Variants in FRY observed in about 807,000 individuals in gnomAD.
FRY encodes protein furry homolog.
FRY carries 128 observed loss-of-function variants against 348.4 expected under a neutral mutation model. The ratio of observed to expected loss-of-function variants is 0.37; its 90% CI spans 0.32 to 0.43. FRY has a LOEUF of 0.43. Among genes scored for constraint, FRY ranks in the 20% least tolerant of loss-of-function variants. FRY has a pLI of 1.00. For synonymous variants in FRY, 1,370 were observed against 1,374.7 expected (o/e 1.00, Z 0.08); for missense variants, 2,736 against 3,695.2 (o/e 0.74, Z 6.73).
chr13:32,186,207 G>T, intron 26 of FRY, 53 bp from the exon 27 acceptor site: 1 of 1,237,092 alleles, frequency 8.1e-7, no homozygotes, highest in Non-Finnish European at 1.2e-6. Flanking sequence ...ATATATAATA[G>T]CGATATACAG....
intron 3 of FRY, among the ~76,000 whole-genome samples, chr13:32,103,737 G>A (rs1877330391): frequency 6.6e-6 from 1 of 152,290 alleles, no homozygotes; most frequent in African/African-American, 2.4e-5. Flanking sequence ...GGCCGAGGCA[G>A]GTGGATCTCC....
At chr13:32,200,792 C>A (rs1028588639) in intron 29 of FRY, among the ~76,000 whole-genome samples, 2 of 152,102 alleles carry the variant, frequency 1.3e-5, no homozygotes, top group African/African-American at 2.4e-5. Flanking sequence ...GTGTTCCTCT[C>A]CCCCCATCCC....
intron 3 of FRY, among the ~76,000 whole-genome samples, chr13:32,102,878 A>G (rs569166131): frequency 1.3e-5 from 2 of 152,346 alleles, no homozygotes; most frequent in East Asian, 3.9e-4. Flanking sequence ...CAGACACAAA[A>G]TACTGCTAGA....
intron 20 of FRY, among the ~76,000 whole-genome samples, chr13:32,177,387 C>T (rs1882429021): frequency 6.6e-6 from 1 of 152,010 alleles, no homozygotes; most frequent in Non-Finnish European, 1.5e-5. Context: ...TTCAGGAATT[C>T]GAGACCAGCC....
At chr13:32,036,441 A>G (rs1454630156) in intron 1 of FRY, among the ~76,000 whole-genome samples, 1 of 152,092 alleles carries the variant, frequency 6.6e-6, no homozygotes, top group African/African-American at 2.4e-5. Context: ...GAAAGGATCT[A>G]TCCCTGGGCT....
In FRY at chr13:32,178,255, G is replaced by A. The variant is rs1225140518; in HGVS notation, c.2500G>A (p.Asp834Asn). The A allele has an allele frequency of 6.2e-7, 1 of 1,614,052 alleles. No individual in the cohort carries two copies. Among genetic ancestry groups the A allele is most frequent in the Admixed American group, 1.7e-5 (1 of 60,010 alleles). Reference sequence around the variant, plus strand: ...CGCAGTCCTGGTCAATAGCCATTATGATGTGAAAAGCCCTTCCCATGTCTG... The same window carrying A: ...CGCAGTCCTGGTCAATAGCCATTATAATGTGAAAAGCCCTTCCCATGTCTG... ...WNAVLVNSHY[D>N]VKSPSHVWIF... Residue 834 changes from aspartate to asparagine, a missense_variant, in exon 21 of 61, where the codon GAT (aspartate) becomes AAT (asparagine). Around this residue, in one of 9 missense-constraint regions of FRY, gnomAD observed 449 missense variants for 576.9 expected, o/e 0.78. Transcript: ENST00000542859.
chr13:32,196,147 T>G (rs958446742), intron 29 of FRY, among the ~76,000 whole-genome samples: 6 of 152,218 alleles, frequency 3.9e-5, no homozygotes, highest in Non-Finnish European at 4.4e-5. Flanking sequence ...GAAGACCTTA[T>G]GAAATATGTT....
intron 58 of FRY, among the ~76,000 whole-genome samples, chr13:32,279,817 A>G (rs549954361): frequency 2.6e-5 from 4 of 152,302 alleles, no homozygotes; most frequent in African/African-American, 9.6e-5. Context: ...GTTCCATTCC[A>G]ATTTGGTATT....
intron 3 of FRY, among the ~76,000 whole-genome samples, chr13:32,108,014 T>G (rs958341105): frequency 6.6e-6 from 1 of 152,158 alleles, no homozygotes; most frequent in African/African-American, 2.4e-5. Flanking sequence ...AGCAAACACT[T>G]ACTGTGCATG....
intron 59 of FRY, among the ~76,000 whole-genome samples, chr13:32,292,315 T>C (rs1889415190): frequency 6.6e-6 from 1 of 152,104 alleles, no homozygotes; most frequent in Non-Finnish European, 1.5e-5. Flanking sequence ...AATTTACTCC[T>C]GGTGAAGATG....
In FRY at chr13:32,173,442, G is replaced by A; in HGVS notation, c.2227G>A (p.Gly743Ser). The A allele has an allele frequency of 6.2e-7, 1 of 1,612,980 alleles. No individual in the cohort carries two copies. Among genetic ancestry groups the A allele is most frequent in the Non-Finnish European group, 8.5e-7 (1 of 1,179,764 alleles). The change falls in exon 19 of 61, where the codon GGT becomes AGT. Residue 743 changes from glycine (G) to serine (S), a missense_variant. By Grantham distance (56) the Gly-to-Ser change is moderately conservative. This residue lies in a region of FRY where 449 missense variants were observed against 576.9 expected (regional missense o/e 0.78). Transcript: ENST00000542859. ...PHCSVLHAVE[G>S]FALVLLCSFQ... ...CTGCAGTGTACTCCACGCTGTAGAAGGTTTTGCTCTGGTTTTACTCTGCAG... is the reference window on the plus strand; with the variant it reads ...CTGCAGTGTACTCCACGCTGTAGAAAGTTTTGCTCTGGTTTTACTCTGCAG...
chr13:32,155,678 G>T lies in FRY; in HGVS notation c.1651+16G>T. On this transcript the variant is annotated intron_variant, in intron 15 of 60. Transcript: ENST00000542859. ...AAAATGATAGGTGAGTTTCAGAAGT[G>T]CATAAGAACTAAGCCTTATTAAGCC... is the stretch of plus-strand genomic sequence containing the variant. The T allele has an allele frequency of 1.3e-6, 2 of 1,593,820 alleles. No individual in the cohort carries two copies. The highest frequency in any genetic ancestry group is 1.1e-5 in the South Asian group (1 of 90,312).
intron 28 of FRY, 47 bp downstream of exon 28, chr13:32,187,703 T>C: frequency 9.7e-7 from 1 of 1,030,708 alleles, no homozygotes; most frequent in Non-Finnish European, 1.5e-6. Flanking sequence ...TTCTGTGTTC[T>C]GCCTCAGTTG....
At chr13:32,116,495 T>G (rs865825541) in intron 3 of FRY, among the ~76,000 whole-genome samples, 1 of 152,156 alleles carries the variant, frequency 6.6e-6, no homozygotes, top group Non-Finnish European at 1.5e-5. Flanking sequence ...TATATGAAAT[T>G]TTATCATAGA....
At chr13:32,054,600 G>A (rs1271916757) in intron 1 of FRY, among the ~76,000 whole-genome samples, 4 of 152,006 alleles carry the variant, frequency 2.6e-5, no homozygotes, top group African/African-American at 4.8e-5. Flanking sequence ...CAGGCTGGGC[G>A]CAGTGACTCA....
At chr13:32,139,116 A>G (rs1002085029) in intron 11 of FRY, among the ~76,000 whole-genome samples, 4 of 152,234 alleles carry the variant, frequency 2.6e-5, no homozygotes, top group African/African-American at 9.6e-5. Flanking sequence ...AACTAAACCT[A>G]GTAGGGATTT....
intron 48 of FRY, among the ~76,000 whole-genome samples, 180 bp from the exon 49 acceptor site, chr13:32,249,346 G>C (rs996291586): frequency 2.7e-5 from 4 of 150,626 alleles, no homozygotes; most frequent in Non-Finnish European, 4.4e-5. Context: ...AAATGTTGAA[G>C]ATGAAAAACG....
intron 4 of FRY, among the ~76,000 whole-genome samples, chr13:32,122,023 T>G (rs1200059380): frequency 6.6e-6 from 1 of 152,214 alleles, no homozygotes; most frequent in Non-Finnish European, 1.5e-5. Context: ...CAGCACCATT[T>G]GTTGAAAAGG....
intron 1 of FRY, among the ~76,000 whole-genome samples, chr13:32,065,227 T>C (rs962209180): frequency 1.3e-5 from 2 of 152,204 alleles, no homozygotes; most frequent in African/African-American, 4.8e-5. Flanking sequence ...ATGTAACATA[T>C]TGCCATCACT....
Sources: gnomAD v4.1 joint callset for allele counts (sites outside exome capture counted in the v4.1 genomes callset) on GRCh38, gnomAD v4.1.1 for gene constraint, gnomAD v4.1.1 regional missense constraint, MANE v1.5 for transcripts, NCBI Gene and HGNC (gene_info 2026-07-23, HGNC 2026-07-21) for gene names.